Variants in CRISPLD2 observed in about 807,000 individuals in gnomAD.
CRISPLD2 encodes cysteine-rich secretory protein LCCL domain-containing 2.
Under a neutral mutation model 71.1 loss-of-function variants are expected in CRISPLD2, and 47 were observed. That is an observed-to-expected ratio of 0.66 (90% CI 0.52 to 0.84). The LOEUF (loss-of-function observed/expected upper bound fraction) is 0.84, where lower values mean the gene tolerates loss of function less well. Among genes scored for constraint, CRISPLD2 ranks in the 40% least tolerant of loss-of-function variants. The pLI is 0.00. For missense variants in CRISPLD2, 830 were observed against 651.1 expected, an observed-to-expected ratio of 1.27 and a Z score of -2.99; for synonymous variants, 317 against 250.1, an observed-to-expected ratio of 1.27 and a Z score of -2.52.
chr16:84,867,942 T>A (rs550761396), intron 7 of CRISPLD2, among the ~76,000 whole-genome samples: 1 of 152,298 alleles, frequency 6.6e-6, no homozygotes, highest in Non-Finnish European at 1.5e-5. Flanking sequence ...GGGAACTCAT[T>A]TGCAGCCGCC....
intron 1 of CRISPLD2, among the ~76,000 whole-genome samples, chr16:84,822,215 G>A (rs1916246053): frequency 6.6e-6 from 1 of 152,262 alleles, no homozygotes; most frequent in African/African-American, 2.4e-5. Flanking sequence ...ATCAGTGCTG[G>A]TTCTGAGTCC....
chr16:84,908,288 A>G lies in CRISPLD2; in HGVS notation c.*1646A>G, dbSNP rs1567710538. 6.6e-6 allele frequency: 1 copy of G among 152,230 alleles called. No individual in the cohort carries two copies. The highest frequency in any genetic ancestry group is 1.5e-5 in the Non-Finnish European group (1 of 68,042). 9.4% of individuals were successfully genotyped at this position (152,230 alleles called of 1,614,324 possible). ...ATTCACAGGACTACGTGCTTTGTGC[A>G]TTGTAGTCTAGTCGTAATTCATAGG... On this transcript the variant is annotated 3_prime_UTR_variant, in exon 15 of 15. Transcript: ENST00000262424.
chr16:84,856,524 A>G (rs1467121661), intron 6 of CRISPLD2, among the ~76,000 whole-genome samples: 1 of 152,186 alleles, frequency 6.6e-6, no homozygotes, highest in Non-Finnish European at 1.5e-5. Flanking sequence ...TGTCACAGGA[A>G]CAGGAAGCAA....
chr16:84,856,452 A>G (rs561253713), intron 6 of CRISPLD2, among the ~76,000 whole-genome samples: 14 of 152,186 alleles, frequency 9.2e-5, no homozygotes, highest in Admixed American at 8.5e-4. Context: ...GATTGCTGCT[A>G]TGTCTCCTGG....
At chr16:84,831,400 A>ATTG (rs1301634342) in intron 1 of CRISPLD2, among the ~76,000 whole-genome samples, 1 of 152,124 alleles carries the variant, frequency 6.6e-6, no homozygotes, top group Admixed American at 6.6e-5. Flanking sequence ...AGCATTGGAC[A>ATTG]TTTAACAGAT....
At chr16:84,900,289 C>G (rs16974865) in intron 14 of CRISPLD2, among the ~76,000 whole-genome samples, 1 of 152,084 alleles carries the variant, frequency 6.6e-6, no homozygotes, top group East Asian at 1.9e-4. Context: ...GGCCTGCTCT[C>G]GGAGGATTGC....
At chr16:84,834,340 T>C (rs1182330310) in intron 1 of CRISPLD2, among the ~76,000 whole-genome samples, 1 of 152,214 alleles carries the variant, frequency 6.6e-6, no homozygotes, top group East Asian at 1.9e-4. Flanking sequence ...GGAAAGAGTT[T>C]GTGTGTTTTC....
intron 14 of CRISPLD2, among the ~76,000 whole-genome samples, chr16:84,896,160 C>T (rs764214722): frequency 6.6e-6 from 1 of 151,908 alleles, no homozygotes; most frequent in Non-Finnish European, 1.5e-5. Context: ...GCCTCAGCCT[C>T]CCAGGTAGCT....
At chr16:84,905,367 A>G (rs185595070) in intron 14 of CRISPLD2, among the ~76,000 whole-genome samples, 3 of 152,292 alleles carry the variant, frequency 2.0e-5, no homozygotes, top group African/African-American at 7.2e-5. Context: ...GGTTGAGTTT[A>G]TACGGTATGT....
rs77103422 is a variant in CRISPLD2 at position 84,885,196 on chromosome 16, A to C, written c.1306-4034A>C. ...AAGCACAAGTGTGAGAACGTATCCA[A>C]GCACCAAGGCTTCCGCCTGCCGGAA... On this transcript the variant is annotated intron_variant, in intron 13 of 14. Transcript: ENST00000262424. 5.7e-4 allele frequency among the ~76,000 whole-genome samples: 87 copies of C among 152,354 alleles called. 2 individuals carry two copies. The East Asian group carries it at 0.015, about 27-fold the overall frequency.
chr16:84,894,494 C>T (rs1007391308), intron 14 of CRISPLD2, among the ~76,000 whole-genome samples: 14 of 152,228 alleles, frequency 9.2e-5, no homozygotes, highest in African/African-American at 2.6e-4. Context: ...GCAGCCCCTG[C>T]GCTAGGGACT....
At chr16:84,841,399 C>T (rs550967861) in intron 2 of CRISPLD2, among the ~76,000 whole-genome samples, 37 of 152,172 alleles carry the variant, frequency 2.4e-4, no homozygotes, top group Non-Finnish European at 4.3e-4. Context: ...AGGGCCATGG[C>T]TCATTTCTGA....
intron 11 of CRISPLD2, among the ~76,000 whole-genome samples, chr16:84,874,582 C>CCT (rs2071502282): frequency 1.3e-5 from 2 of 152,226 alleles, no homozygotes; most frequent in African/African-American, 4.8e-5. Flanking sequence ...AGGAGCCATT[C>CCT]CAGCTTCCTC....
chr16:84,864,770 G>A lies in CRISPLD2; in HGVS notation c.710-2127G>A, dbSNP rs73250100. ...GCTGGCCCCTGGCCTCTGGAGGTTC[G>A]CAGCTGGTGGATGAGGCAGGTGGTG... On this transcript the variant is annotated intron_variant, in intron 6 of 14. Coordinates refer to ENST00000262424, the MANE Select transcript of CRISPLD2 (RefSeq NM_031476.4). 7.2e-3 allele frequency among the ~76,000 whole-genome samples: 1,090 copies of A among 152,334 alleles called. 5 individuals are homozygous for A. The highest frequency in any genetic ancestry group is 0.025 in the African/African-American group (1,023 of 41,572).
intron 8 of CRISPLD2, among the ~76,000 whole-genome samples, chr16:84,870,448 T>C (rs2071457922): frequency 6.6e-6 from 1 of 152,036 alleles, no homozygotes; most frequent in Non-Finnish European, 1.5e-5. Flanking sequence ...GCCTCCCGCG[T>C]AGCTGGAACT....
At chr16:84,857,875 C>T (rs1917283554) in intron 6 of CRISPLD2, among the ~76,000 whole-genome samples, 1 of 152,196 alleles carries the variant, frequency 6.6e-6, no homozygotes, top group South Asian at 2.1e-4. Context: ...AGCTCAATCA[C>T]ACATATGCCA....
At chr16:84,835,763 A>G (rs915455909) in intron 1 of CRISPLD2, among the ~76,000 whole-genome samples, 3 of 152,252 alleles carry the variant, frequency 2.0e-5, no homozygotes, top group African/African-American at 4.8e-5. Context: ...TTAGAGAAGG[A>G]CCAGCCTCTA....
rs1567686713 is a variant in CRISPLD2, at chr16:84,849,489, C to T, written c.464C>T (p.Ser155Leu). The T allele has an allele frequency of 8.1e-6, 13 of 1,613,990 alleles. No individual in the cohort carries two copies. The highest frequency in any genetic ancestry group is 4.4e-5 in the South Asian group (4 of 91,086). ...ECNPWCPERC[S>L]GPMCTHYTQI... ...AACCCCTGGTGTCCAGAGAGGTGCT[C>T]GGGGCCCATGTGCACGCACTACACA... The change falls in exon 4 of 15, where the codon TCG becomes TTG. Residue 155 changes from serine (S) to leucine (L), a missense_variant. Physicochemically the swap from Ser to Leu is moderately radical, Grantham distance 145. Transcript: ENST00000262424.
chr16:84,832,760 G>A (rs1916519434), intron 1 of CRISPLD2, among the ~76,000 whole-genome samples: 1 of 152,226 alleles, frequency 6.6e-6, no homozygotes, highest in African/African-American at 2.4e-5. Flanking sequence ...TAAGTCCCGA[G>A]ATTCATCTTT....
Sources: allele counts gnomAD v4.1 joint callset (sites outside exome capture counted in the v4.1 genomes callset), GRCh38; gene constraint gnomAD v4.1.1; transcripts MANE v1.5; gene names NCBI Gene and HGNC (gene_info 2026-07-23, HGNC 2026-07-21).